The following PDE3A variants were observed in gnomAD, a reference collection of about 807,000 sequenced individuals.
The protein encoded by PDE3A is phosphodiesterase 3A.
Under a neutral mutation model 98.3 loss-of-function variants are expected in PDE3A, and 43 were observed. The observed-to-expected ratio is 0.44, with a 90% CI of 0.34 to 0.56. PDE3A has a LOEUF of 0.56. Among genes scored for constraint, PDE3A ranks in the 20% least tolerant of loss-of-function variants. The pLI is 0.01. For missense variants in PDE3A, 1,427 were observed against 1,440.7 expected (o/e 0.99, Z 0.15); for synonymous variants, 663 against 567.9 (o/e 1.17, Z -2.38).
intron 6 of PDE3A, among the ~76,000 whole-genome samples, chr12:20,633,481 TTTGTA>T (rs1261661385): frequency 6.6e-6 from 1 of 152,186 alleles, no homozygotes; most frequent in Non-Finnish European, 1.5e-5. Context: ...TTTCTAATCC[TTTGTA>T]TTGATTACTC....
At chr12:20,510,501 A>G (rs1388728408) in intron 1 of PDE3A, among the ~76,000 whole-genome samples, 2 of 152,128 alleles carry the variant, frequency 1.3e-5, no homozygotes, top group African/African-American at 4.8e-5. Flanking sequence ...TTAGAGATAA[A>G]AATCTATATT....
intron 1 of PDE3A, among the ~76,000 whole-genome samples, chr12:20,463,960 C>A (rs939032452): frequency 2.0e-5 from 3 of 152,050 alleles, no homozygotes; most frequent in Non-Finnish European, 4.4e-5. Context: ...TGTGGACACC[C>A]TTTATAGATG....
At chr12:20,371,440 A>G (rs1301698372) in intron 1 of PDE3A, 28 of 983,006 alleles carry the variant, frequency 2.8e-5, no homozygotes, top group Non-Finnish European at 3.4e-5. Context: ...TACTATTAGG[A>G]CAACTTTAGG....
At chr12:20,656,766 C>A (rs756013381) in intron 15 of PDE3A, among the ~76,000 whole-genome samples, 5 of 152,108 alleles carry the variant, frequency 3.3e-5, no homozygotes, top group Non-Finnish European at 7.3e-5. Flanking sequence ...TCCCAGGGGC[C>A]CTGACTTACT....
At chr12:20,561,317 C>T (rs895845580) in intron 2 of PDE3A, among the ~76,000 whole-genome samples, 1 of 151,850 alleles carries the variant, frequency 6.6e-6, no homozygotes, top group Non-Finnish European at 1.5e-5. Flanking sequence ...GATATTATAA[C>T]ATTAAAAGGT....
intron 1 of PDE3A, among the ~76,000 whole-genome samples, chr12:20,538,757 G>A (rs1292540540): frequency 6.6e-6 from 1 of 152,058 alleles, no homozygotes; most frequent in Non-Finnish European, 1.5e-5. Context: ...CAATCCTCCT[G>A]CCTCAGCCTC....
chr12:20,559,807 C>G (rs533350225), intron 2 of PDE3A, among the ~76,000 whole-genome samples: 15 of 152,120 alleles, frequency 9.9e-5, no homozygotes, highest in African/African-American at 3.6e-4. Context: ...GGTAAGCTTT[C>G]GAAAGTACAG....
In PDE3A at chr12:20,575,678, A is replaced by G. The variant is rs114994154; in HGVS notation, c.1011+18968A>G. Among the ~76,000 whole-genome samples, 1,521 of 152,120 alleles carry G rather than the reference A, an allele frequency of 1.0e-2. 30 individuals carry two copies. The highest frequency in any genetic ancestry group is 0.035 in the African/African-American group (1,455 of 41,530). On this transcript the variant is annotated intron_variant, in intron 2 of 15. Coordinates refer to ENST00000359062, the MANE Select transcript of PDE3A (RefSeq NM_000921.5). ...TTTCATCCAAGTGAAAAAGAGTTCT[A>G]CTTCATTCTGAGTTAGGTCACAAGG...
Position 20,369,295 on chromosome 12 carries a change from C to T in PDE3A, c.11C>T (p.Pro4Leu), listed in dbSNP as rs966541077. MAV[P>L]GDAARVRDKP... ...AGGGCACCCTATACCATGGCAGTGC[C>T]CGGCGACGCTGCACGAGTCAGGGAC... is the stretch of plus-strand genomic sequence containing the variant. Residue 4 changes from proline (P) to leucine (L), a missense_variant, in exon 1 of 16, where the codon CCC (proline) becomes CTC (leucine). Pro to Leu is a moderately conservative substitution (Grantham distance 98). This residue lies in a region of PDE3A where 1,012 missense variants were observed against 886.5 expected (regional missense o/e 1.14). Transcript: ENST00000359062. The T allele has an allele frequency of 1.3e-6, 2 of 1,520,002 alleles. No individual in the cohort carries two copies. Among genetic ancestry groups the T allele is most frequent in the Non-Finnish European group, 1.8e-6 (2 of 1,129,282 alleles). The allele number at this position is 1,520,002 out of a possible 1,614,324, so 94.2% of individuals were successfully genotyped here.
At position 20,635,028 on chromosome 12, in the gene PDE3A, C is replaced by T; in HGVS notation, c.1973C>T (p.Thr658Ile). Reference protein sequence around the residue: ...EPLRKASACSTYAPETMMFLD... With the variant: ...EPLRKASACSIYAPETMMFLD... ...CTGAGGAAAGCATCGGCTTGCAGCA[C>T]CTATGCTCCTGAGACCATGATGTTT... The change falls in exon 8 of 16, where the codon ACC becomes ATC. Residue 658 changes from threonine (T) to isoleucine (I), a missense_variant. Coordinates refer to ENST00000359062, the MANE Select transcript of PDE3A (RefSeq NM_000921.5). The T allele has an allele frequency of 6.2e-7, 1 of 1,613,786 alleles. No individual in the cohort carries two copies. Among genetic ancestry groups the T allele is most frequent in the Non-Finnish European group, 8.5e-7 (1 of 1,179,780 alleles).
intron 1 of PDE3A, among the ~76,000 whole-genome samples, chr12:20,510,913 T>C (rs946532842): frequency 1.3e-5 from 2 of 152,078 alleles, no homozygotes; most frequent in African/African-American, 4.8e-5. Context: ...AATGTTTCCA[T>C]GTGCCATGTT....
At chr12:20,643,965 T>A (rs940499181) in intron 10 of PDE3A, among the ~76,000 whole-genome samples, 2 of 152,134 alleles carry the variant, frequency 1.3e-5, no homozygotes, top group East Asian at 1.9e-4. Context: ...ATCAATTCCT[T>A]ACCCCAAACA....
chr12:20,667,757 T>A (rs1431539639), intron 15 of PDE3A, among the ~76,000 whole-genome samples: 1 of 152,202 alleles, frequency 6.6e-6, no homozygotes, highest in Non-Finnish European at 1.5e-5. Context: ...TCAAGCTCTT[T>A]TTTGGTTCCA....
chr12:20,410,897 C>T (rs1050463822), intron 1 of PDE3A, among the ~76,000 whole-genome samples: 1 of 152,144 alleles, frequency 6.6e-6, no homozygotes, highest in African/African-American at 2.4e-5. Context: ...CTGTTCTGTC[C>T]ACAGAGCCCT....
rs533337727 is a variant in PDE3A at position 20,680,009 on chromosome 12, T to A, written c.3185-21T>A. 9.0e-6 allele frequency: 14 copies of A among 1,562,048 alleles called. No individual in the cohort carries two copies. In the South Asian group the frequency reaches 1.5e-4, roughly 17 times the overall value. ...ACAACTAAGTAGTCTGATTTGGTGT[T>A]TTTTATTTTATTTATTTTAGAAAAG... On this transcript the variant is annotated intron_variant, in intron 15 of 15. Coordinates refer to ENST00000359062, the MANE Select transcript of PDE3A (RefSeq NM_000921.5).
In PDE3A at chr12:20,369,700, T is replaced by A; in HGVS notation, c.416T>A (p.Leu139His). 6.2e-7 allele frequency: 1 copy of A among 1,611,970 alleles called. No individual in the cohort carries two copies. Among genetic ancestry groups the A allele is most frequent in the Non-Finnish European group, 8.5e-7 (1 of 1,179,656 alleles). The change falls in exon 1 of 16, where the codon CTC (leucine) becomes CAC (histidine). Residue 139 changes from leucine (L) to histidine (H), a missense_variant. This residue lies in a region of PDE3A where 1,012 missense variants were observed against 886.5 expected (regional missense o/e 1.14). Transcript: ENST00000359062. ...CAGCCCTCGGCGCTGCTCTTCAGTC[T>A]CCTGTGTGCCTTCTTCTGGATGGGC... ...WLQPSALLFS[L>H]LCAFFWMGLY...
At chr12:20,651,807 G>A (rs1944925446) in intron 14 of PDE3A, among the ~76,000 whole-genome samples, 1 of 152,240 alleles carries the variant, frequency 6.6e-6, no homozygotes, top group South Asian at 2.1e-4. Context: ...TAGGGTACAT[G>A]TGCACAACGT....
intron 5 of PDE3A, among the ~76,000 whole-genome samples, chr12:20,627,048 T>A (rs895630716): frequency 6.7e-6 from 1 of 149,166 alleles, no homozygotes; most frequent in African/African-American, 2.5e-5. Flanking sequence ...AACTTAGCAA[T>A]GAAAAAATCA....
At chr12:20,566,380 G>C (rs527664173) in intron 2 of PDE3A, among the ~76,000 whole-genome samples, 71 of 152,044 alleles carry the variant, frequency 4.7e-4, no homozygotes, top group African/African-American at 1.7e-3. Flanking sequence ...ACTTCTGGGT[G>C]ACAATTTCCA....
Sources: allele counts gnomAD v4.1 joint callset (sites outside exome capture counted in the v4.1 genomes callset), GRCh38; gene constraint gnomAD v4.1.1; regional missense constraint gnomAD v4.1.1; transcripts MANE v1.5; gene names NCBI Gene and HGNC (gene_info 2026-07-23, HGNC 2026-07-21).